The following CADM2 variants were observed in gnomAD, a reference collection of about 807,000 sequenced individuals.
CADM2 encodes cell adhesion molecule 2, also known as immunoglobulin superfamily member 4D.
Under a neutral mutation model 49.8 loss-of-function variants are expected in CADM2, and 12 were observed. The ratio of observed to expected loss-of-function variants is 0.24; its 90% CI spans 0.15 to 0.39. The LOEUF is 0.39. CADM2 is among the 10% of genes least tolerant of loss of function. The pLI is 1.00. For synonymous variants in CADM2, 214 were observed against 175.4 expected (o/e 1.22, Z -1.74); for missense variants, 378 against 492.3 (o/e 0.77, Z 2.20).
chr3:85,346,909 G>A (rs1184070083), intron 1 of CADM2, among the ~76,000 whole-genome samples: 2 of 151,818 alleles, frequency 1.3e-5, no homozygotes, highest in Non-Finnish European at 2.9e-5. Flanking sequence ...AAATAAAAAC[G>A]TGAAAAAAAG....
intron 1 of CADM2, among the ~76,000 whole-genome samples, chr3:85,330,163 A>C (rs2107145837): frequency 6.6e-6 from 1 of 152,294 alleles, no homozygotes; most frequent in Non-Finnish European, 1.5e-5. Flanking sequence ...GCCTAGAGTC[A>C]CAAGAGTCTC....
At chr3:85,937,723 A>G (rs1721349773) in intron 7 of CADM2, among the ~76,000 whole-genome samples, 2 of 151,874 alleles carry the variant, frequency 1.3e-5, no homozygotes, top group East Asian at 3.9e-4. Context: ...ATCCTCCTTT[A>G]TTAGGCTTTC....
intron 5 of CADM2, among the ~76,000 whole-genome samples, chr3:85,902,977 A>T (rs1437412976): frequency 6.6e-6 from 1 of 152,002 alleles, no homozygotes; most frequent in Non-Finnish European, 1.5e-5. Flanking sequence ...AAGGATACCA[A>T]GTACCTAAAA....
intron 2 of CADM2, among the ~76,000 whole-genome samples, chr3:85,736,292 C>A (rs57799716): frequency 0.036 from 5,513 of 152,186 alleles, 314 homozygotes; most frequent in African/African-American, 0.12. Context: ...AATTACTATA[C>A]GATATATAAA....
intron 1 of CADM2, among the ~76,000 whole-genome samples, chr3:85,393,938 C>T (rs1319024263): frequency 6.6e-6 from 1 of 152,090 alleles, no homozygotes; most frequent in Non-Finnish European, 1.5e-5. Context: ...TCCCGAGTAG[C>T]TGGGACTACA....
chr3:84,964,081 A>G (rs550855369), intron 1 of CADM2, among the ~76,000 whole-genome samples: 2 of 152,308 alleles, frequency 1.3e-5, no homozygotes, highest in African/African-American at 2.4e-5. Context: ...TCCCATTTCT[A>G]TAACTATTAG....
chr3:85,306,030 A>G (rs534239677), intron 1 of CADM2, among the ~76,000 whole-genome samples: 1 of 151,860 alleles, frequency 6.6e-6, no homozygotes, highest in African/African-American at 2.4e-5. Flanking sequence ...AATGTAGGTC[A>G]AAACCTAATA....
chr3:85,880,370 C>G (rs1712561659), intron 3 of CADM2, among the ~76,000 whole-genome samples: 1 of 151,982 alleles, frequency 6.6e-6, no homozygotes. Context: ...GAAGGGTAGT[C>G]CATTGTATTT....
chr3:85,491,681 G>A (rs138724224), intron 1 of CADM2, among the ~76,000 whole-genome samples: 8,895 of 152,110 alleles, frequency 0.058, 595 homozygotes, highest in African/African-American at 0.16. Context: ...GCCGGGCACG[G>A]TGGCTCACAC....
At chr3:85,322,731 T>A (rs1173535813) in intron 1 of CADM2, among the ~76,000 whole-genome samples, 1 of 152,194 alleles carries the variant, frequency 6.6e-6, no homozygotes, top group Admixed American at 6.5e-5. Context: ...AAATAGAGCT[T>A]GTAAAAGGGC....
intron 8 of CADM2, among the ~76,000 whole-genome samples, chr3:86,019,957 A>C (rs984468643): frequency 1.5e-4 from 23 of 152,200 alleles, no homozygotes; most frequent in Non-Finnish European, 2.6e-4. Flanking sequence ...AAACACATTC[A>C]AAAGCTAGCA....
intron 1 of CADM2, among the ~76,000 whole-genome samples, chr3:85,211,269 A>G (rs1419897629): frequency 1.3e-5 from 2 of 151,762 alleles, no homozygotes; most frequent in Non-Finnish European, 2.9e-5. Flanking sequence ...TATTTTGTAT[A>G]ATTTCTTTCA....
intron 1 of CADM2, among the ~76,000 whole-genome samples, chr3:85,253,433 A>T (rs1291546692): frequency 6.6e-6 from 1 of 152,036 alleles, no homozygotes; most frequent in Non-Finnish European, 1.5e-5. Flanking sequence ...AGTCCCCTGG[A>T]AATCTTTGCA....
At chr3:85,984,986 G>C (rs1242679946) in intron 8 of CADM2, among the ~76,000 whole-genome samples, 1 of 151,878 alleles carries the variant, frequency 6.6e-6, no homozygotes, top group Admixed American at 6.6e-5. Context: ...AAATCAAACT[G>C]TCAAAATATC....
chr3:85,673,659 A>C (rs1269615218), intron 1 of CADM2, among the ~76,000 whole-genome samples: 1 of 152,110 alleles, frequency 6.6e-6, no homozygotes, highest in African/African-American at 2.4e-5. Context: ...GCAAGGACAG[A>C]AGGGAGGAAG....
intron 1 of CADM2, among the ~76,000 whole-genome samples, chr3:85,110,245 T>C (rs1468065422): frequency 6.6e-6 from 1 of 151,676 alleles, no homozygotes; most frequent in African/African-American, 2.4e-5. Flanking sequence ...ATAGATAAGA[T>C]TCCAGAGAGA....
intron 1 of CADM2, among the ~76,000 whole-genome samples, chr3:85,199,486 A>G (rs1343969593): frequency 6.6e-6 from 1 of 151,220 alleles, no homozygotes; most frequent in Non-Finnish European, 1.5e-5. Context: ...TTTTTTTTTT[A>G]GTTAAACTTA....
At chr3:85,893,127 G>T (rs1050198348) in intron 5 of CADM2, among the ~76,000 whole-genome samples, 1 of 152,148 alleles carries the variant, frequency 6.6e-6, no homozygotes, top group Non-Finnish European at 1.5e-5. Context: ...AGATAATTTA[G>T]AGTATATGGC....
intron 1 of CADM2, among the ~76,000 whole-genome samples, chr3:85,252,839 TCTGA>T (rs150925551): frequency 0.066 from 10,034 of 152,010 alleles, 1,081 homozygotes; most frequent in African/African-American, 0.23. Flanking sequence ...AGTCCTTGAA[TCTGA>T]CTGCTAACAA....
Sources: gnomAD v4.1 joint callset for allele counts (sites outside exome capture counted in the v4.1 genomes callset) on GRCh38, gnomAD v4.1.1 for gene constraint, MANE v1.5 for transcripts, NCBI Gene and HGNC (gene_info 2026-07-23, HGNC 2026-07-21) for gene names.